HEMK2: variants seen among roughly 807,000 people sequenced by gnomAD.
The protein encoded by HEMK2 is HemK methyltransferase 2, ETF1 glutamine and histone H4 lysine, also known as methyltransferase HEMK2.
chr21:28,721,225 C>G, the HEMK2 span, among the ~76,000 whole-genome samples: 2 of 152,178 alleles, frequency 1.3e-5, no homozygotes, highest in Non-Finnish European at 2.9e-5. Flanking sequence ...CATCCATCCT[C>G]CCACCTCAGC....
the HEMK2 span, among the ~76,000 whole-genome samples, chr21:28,842,355 T>C: frequency 6.6e-6 from 1 of 152,206 alleles, no homozygotes; most frequent in African/African-American, 2.4e-5. Context: ...GTCTTATTTT[T>C]CCTTAAACAT....
chr21:28,651,341 G>C, the HEMK2 span, among the ~76,000 whole-genome samples: 2 of 152,102 alleles, frequency 1.3e-5, no homozygotes, highest in Non-Finnish European at 2.9e-5. Flanking sequence ...GAAACTACCA[G>C]AAGTGTGATT....
the HEMK2 span, among the ~76,000 whole-genome samples, chr21:28,761,439 T>C: frequency 6.6e-6 from 1 of 152,084 alleles, no homozygotes; most frequent in Non-Finnish European, 1.5e-5. Flanking sequence ...AGTCAAAATT[T>C]GCCAACCCTG....
the HEMK2 span, among the ~76,000 whole-genome samples, chr21:28,829,650 T>C: frequency 6.6e-6 from 1 of 152,194 alleles, no homozygotes; most frequent in Admixed American, 6.5e-5. Flanking sequence ...TAAGGCAGTA[T>C]CCCATTCTCA....
chr21:28,729,644 A>AAC, the HEMK2 span, among the ~76,000 whole-genome samples: 6 of 149,454 alleles, frequency 4.0e-5, no homozygotes, highest in Non-Finnish European at 8.9e-5. Flanking sequence ...AAAAAAAAAA[A>AAC]AAAAATCACA....
chr21:28,847,341 C>G, the HEMK2 span, among the ~76,000 whole-genome samples: 1 of 152,078 alleles, frequency 6.6e-6, no homozygotes, highest in Non-Finnish European at 1.5e-5. Context: ...GGCATGTCAT[C>G]GTGATTTTGA....
the HEMK2 span, among the ~76,000 whole-genome samples, chr21:28,769,619 C>G: frequency 6.6e-6 from 1 of 152,002 alleles, no homozygotes; most frequent in Non-Finnish European, 1.5e-5. Context: ...AAGTATTTCC[C>G]ATTGAAACAG....
chr21:28,581,268 G>A, the HEMK2 span, among the ~76,000 whole-genome samples: 3 of 150,996 alleles, frequency 2.0e-5, no homozygotes, highest in Non-Finnish European at 4.4e-5. Flanking sequence ...AACAAAAGAA[G>A]CCTAGGATTC....
the HEMK2 span, among the ~76,000 whole-genome samples, chr21:28,834,458 C>G: frequency 6.6e-6 from 1 of 152,170 alleles, no homozygotes; most frequent in Non-Finnish European, 1.5e-5. Context: ...ATCTAGAGAG[C>G]TGAGTGAAAT....
chr21:28,786,747 CTGA>C, the HEMK2 span, among the ~76,000 whole-genome samples: 3 of 151,332 alleles, frequency 2.0e-5, no homozygotes, highest in Non-Finnish European at 2.9e-5. Flanking sequence ...ATAAGAAAGA[CTGA>C]TGATATTATT....
chr21:28,877,255 A>G, the HEMK2 span, among the ~76,000 whole-genome samples: 79 of 107,664 alleles, frequency 7.3e-4, no homozygotes, highest in Non-Finnish European at 1.0e-3. Flanking sequence ...GGAAGGGAAG[A>G]GAAGGGAAGG....
At chr21:28,837,024 T>G in the HEMK2 span, among the ~76,000 whole-genome samples, 3 of 152,160 alleles carry the variant, frequency 2.0e-5, no homozygotes, top group African/African-American at 7.2e-5. Flanking sequence ...CACCTAACAC[T>G]GGAGCTCTGA....
the HEMK2 span, among the ~76,000 whole-genome samples, chr21:28,697,533 G>C: frequency 1.3e-5 from 2 of 152,128 alleles, no homozygotes. Context: ...CCTCCAAACT[G>C]TTCCAACCTC....
At chr21:28,672,758 C>T in the HEMK2 span, among the ~76,000 whole-genome samples, 6 of 152,066 alleles carry the variant, frequency 3.9e-5, no homozygotes, top group South Asian at 2.1e-4. Flanking sequence ...CTCTTCTTGA[C>T]GCTGCTCTCT....
At chr21:28,838,821 C>G in the HEMK2 span, among the ~76,000 whole-genome samples, 2 of 149,826 alleles carry the variant, frequency 1.3e-5, no homozygotes, top group Non-Finnish European at 3.0e-5. Flanking sequence ...TGCCTGTAAT[C>G]CCAGCTACTC....
At chr21:28,703,757 A>G in the HEMK2 span, among the ~76,000 whole-genome samples, 1 of 152,194 alleles carries the variant, frequency 6.6e-6, no homozygotes, top group Non-Finnish European at 1.5e-5. Context: ...TGGAACAGGA[A>G]AGAACATTGT....
chr21:28,775,852 A>T, the HEMK2 span, among the ~76,000 whole-genome samples: 1 of 152,194 alleles, frequency 6.6e-6, no homozygotes, highest in African/African-American at 2.4e-5. Context: ...TTGTTATTTA[A>T]GAGAAAATAA....
chr21:28,679,492 GAGAC>G, the HEMK2 span, among the ~76,000 whole-genome samples: 1 of 152,044 alleles, frequency 6.6e-6, no homozygotes, highest in Non-Finnish European at 1.5e-5. Flanking sequence ...ACAGATCAAC[GAGAC>G]AGACAGTCAA....
the HEMK2 span, among the ~76,000 whole-genome samples, chr21:28,856,601 T>C: frequency 4.6e-5 from 7 of 152,160 alleles, no homozygotes; most frequent in South Asian, 1.0e-3. Context: ...GTATCCAGGT[T>C]GTCACATTGT....
Sources: allele counts gnomAD v4.1 joint callset (sites outside exome capture counted in the v4.1 genomes callset), GRCh38; gene constraint gnomAD v4.1.1; transcripts MANE v1.5; gene names NCBI Gene and HGNC (gene_info 2026-07-23, HGNC 2026-07-21).